The following SI variants were observed in gnomAD, a reference collection of about 807,000 sequenced individuals.
SI encodes the protein sucrase-isomaltase.
A neutral mutation model predicts 253.3 loss-of-function variants in SI; 235 were observed. That is an observed-to-expected ratio of 0.93 (90% CI 0.83 to 1.03). The LOEUF is 1.03. Among genes scored for constraint, SI ranks in the 50% least tolerant of loss-of-function variants. The pLI, the probability that SI is intolerant of heterozygous loss-of-function variation, is 0.00. For synonymous variants in SI, 819 were observed against 712.0 expected, an observed-to-expected ratio of 1.15 and a Z score of -2.39; for missense variants, 2,442 against 2,211.1, an observed-to-expected ratio of 1.10 and a Z score of -2.09.
intron 28 of SI, 75 bp downstream of exon 28, chr3:165,019,527 G>T: frequency 7.8e-7 from 1 of 1,277,206 alleles, no homozygotes; most frequent in African/African-American, 1.5e-5. Context: ...CTAAAGCACA[G>T]GCCCATAAAG....
At chr3:165,030,888 A>AC in intron 24 of SI, 21 bp from the exon 25 acceptor site, 1 of 1,523,986 alleles carries the variant, frequency 6.6e-7, no homozygotes, top group East Asian at 2.4e-5. Flanking sequence ...AAAAAAAAAA[A>AC]AAGAAAAAAA....
intron 13 of SI, among the ~76,000 whole-genome samples, chr3:165,050,257 A>G (rs80121209): frequency 0.017 from 2,550 of 152,276 alleles, 69 homozygotes; most frequent in African/African-American, 0.058. Context: ...CCTAGTTTCT[A>G]TGATGTGCTA....
chr3:165,034,678 G>T (rs1210714162), intron 22 of SI, among the ~76,000 whole-genome samples: 1 of 150,512 alleles, frequency 6.6e-6, no homozygotes, highest in Admixed American at 6.6e-5. Context: ...AGGATAATGT[G>T]TTTGTGTGTG....
intron 12 of SI, among the ~76,000 whole-genome samples, chr3:165,056,862 A>C (rs1713716898): frequency 6.6e-6 from 1 of 152,088 alleles, no homozygotes; most frequent in South Asian, 2.1e-4. Context: ...CCTATGAATG[A>C]GGATGGGCAA....
intron 45 of SI, among the ~76,000 whole-genome samples, chr3:164,983,594 G>A (rs551585177): frequency 1.8e-4 from 28 of 151,910 alleles, no homozygotes; most frequent in Non-Finnish European, 3.4e-4. Context: ...TTATTTTTTA[G>A]TTTTTATTTT....
chr3:165,058,894 C>CACACACT, intron 12 of SI, 69 bp downstream of exon 12: 1 of 749,358 alleles, frequency 1.3e-6, no homozygotes, highest in Non-Finnish European at 2.0e-6. Context: ...ACACGCACAT[C>CACACACT]CACAGAAACT....
chr3:165,016,225 G>A lies in SI; in HGVS notation c.3760-145C>T, dbSNP rs562397818. On this transcript the variant is annotated intron_variant, in intron 31 of 47. Coordinates refer to ENST00000264382, the MANE Select transcript of SI (RefSeq NM_001041.4). ...CCTAAAAAGAATTAAATGGTTTAGT[G>A]TTCAAGGAATAAAAGTAGCATGTAA... 1.1e-4 allele frequency: 79 copies of A among 728,320 alleles called. No homozygotes were observed. In the East Asian group the frequency reaches 1.1e-3, roughly 10 times the overall value. The allele number at this position is 728,320 out of a possible 1,614,324, so 45.1% of individuals were successfully genotyped here.
chr3:165,028,046 T>A (rs1712021449), intron 25 of SI, among the ~76,000 whole-genome samples: 1 of 151,392 alleles, frequency 6.6e-6, no homozygotes, highest in South Asian at 2.1e-4. Flanking sequence ...CCCTAAAGAC[T>A]CCTCCAAAAA....
In SI at chr3:164,991,595, T is replaced by G. The variant is rs145747567; in HGVS notation, c.4984-118A>C. The G allele has an allele frequency of 2.2e-3, 2,295 of 1,036,430 alleles. 34 individuals carry two copies. In the African/African-American group the frequency reaches 0.032, roughly 14 times the overall value. The allele number at this position is 1,036,430 out of a possible 1,614,324, so 64.2% of individuals were successfully genotyped here. On this transcript the variant is annotated intron_variant, in intron 43 of 47. Transcript: ENST00000264382. Reference sequence around the variant, plus strand: ...ATGATACACTTTTAGATTAAAAAATTCACATTTATTCAGAAAATCTTAATT... The same window carrying G: ...ATGATACACTTTTAGATTAAAAAATGCACATTTATTCAGAAAATCTTAATT...
intron 3 of SI, among the ~76,000 whole-genome samples, chr3:165,072,113 A>G (rs1322777276): frequency 2.6e-5 from 4 of 152,092 alleles, no homozygotes; most frequent in African/African-American, 4.8e-5. Context: ...AATTTTAACA[A>G]TCATGATCTA....
intron 13 of SI, among the ~76,000 whole-genome samples, chr3:165,054,568 T>C (rs954530729): frequency 3.3e-5 from 5 of 152,116 alleles, no homozygotes; most frequent in Admixed American, 3.3e-4. Flanking sequence ...TTGGTCGGGC[T>C]GGTCTCGAAC....
At chr3:165,017,921 A>T in intron 29 of SI, 48 bp from the exon 30 acceptor site, 2 of 1,583,218 alleles carry the variant, frequency 1.3e-6, no homozygotes, top group South Asian at 1.1e-5. Context: ...ATACTAGTTT[A>T]TGAAAAAGTC....
At chr3:165,028,235 C>G (rs1451923811) in intron 25 of SI, among the ~76,000 whole-genome samples, 1 of 151,118 alleles carries the variant, frequency 6.6e-6, no homozygotes, top group Non-Finnish European at 1.5e-5. Context: ...GTATACCTAA[C>G]CAAGGAGGTG....
At position 164,979,366 on chromosome 3, in the gene SI, G is replaced by T. The variant is rs1379969477; in HGVS notation, c.5480C>A (p.Ser1827Ter). The T allele has an allele frequency of 1.3e-6, 2 of 1,578,790 alleles. No individual in the cohort carries two copies. Among genetic ancestry groups the T allele is most frequent in the East Asian group, 2.2e-5 (1 of 44,532 alleles). The change falls in exon 48 of 48, where the codon TCA becomes TAA. Residue 1827 changes from serine (S) to a stop codon, truncating the protein, a stop_gained. Transcript: ENST00000264382. LOFTEE classifies it high-confidence loss of function. ...AACTAAAATTGATGGTGATCTTCATGACCAGTTGATTTCTATTGGTTCTTC... is the reference window on the plus strand; with the variant it reads ...AACTAAAATTGATGGTGATCTTCATTACCAGTTGATTTCTATTGGTTCTTC... Reference protein sequence around the residue: ...TLEEPIEINWS With the variant: ...TLEEPIEINW
upstream of SI, among the ~76,000 whole-genome samples, chr3:165,080,523 C>T (rs1715273385): frequency 6.6e-6 from 1 of 151,910 alleles, no homozygotes; most frequent in African/African-American, 2.4e-5. Context: ...CAATGATAGA[C>T]TGGATTAAGA....
chr3:165,069,297 T>C (rs991609025), intron 3 of SI, 102 bp from the exon 4 acceptor site: 1 of 830,396 alleles, frequency 1.2e-6, no homozygotes, highest in Non-Finnish European at 2.0e-6. Context: ...ATCTAACTTT[T>C]TCAAATGTAT....
chr3:165,047,693 G>T (rs941984739), intron 15 of SI, among the ~76,000 whole-genome samples: 3 of 151,918 alleles, frequency 2.0e-5, no homozygotes, highest in African/African-American at 7.3e-5. Context: ...AATATTTAAA[G>T]TAATTGAATT....
intron 9 of SI, among the ~76,000 whole-genome samples, chr3:165,062,149 A>G (rs1340638596): frequency 6.6e-6 from 1 of 151,918 alleles, no homozygotes; most frequent in Non-Finnish European, 1.5e-5. Context: ...GCCTAGAGGT[A>G]AGAAATTTTG....
intron 13 of SI, among the ~76,000 whole-genome samples, chr3:165,054,149 A>C (rs1713571582): frequency 6.6e-6 from 1 of 152,152 alleles, no homozygotes; most frequent in African/African-American, 2.4e-5. Context: ...TGATTTAATA[A>C]ATAAGTGAAT....
Sources: allele counts gnomAD v4.1 joint callset (sites outside exome capture counted in the v4.1 genomes callset), GRCh38; gene constraint gnomAD v4.1.1; transcripts MANE v1.5; gene names NCBI Gene and HGNC (gene_info 2026-07-23, HGNC 2026-07-21).